Variants in ADAM10 observed in about 807,000 individuals in gnomAD.
ADAM10 encodes the protein ADAM metallopeptidase domain 10.
A neutral mutation model predicts 90.1 loss-of-function variants in ADAM10; 17 were observed. That is an observed-to-expected ratio of 0.19 (90% CI 0.13 to 0.28). The LOEUF is 0.28. ADAM10 is among the 10% of genes least tolerant of loss of function. The pLI is 1.00. For missense variants in ADAM10, 610 were observed against 914.3 expected, an observed-to-expected ratio of 0.67 and a Z score of 4.29; for synonymous variants, 310 against 298.6, an observed-to-expected ratio of 1.04 and a Z score of -0.40.
chr15:58,630,981 G>C (rs749814480), intron 9 of ADAM10, among the ~76,000 whole-genome samples: 1 of 152,094 alleles, frequency 6.6e-6, no homozygotes, highest in South Asian at 2.1e-4. Flanking sequence ...AGGTGGGTGG[G>C]TGAGTGCATT....
At chr15:58,696,886 A>G (rs1191919388) in intron 2 of ADAM10, among the ~76,000 whole-genome samples, 1 of 152,180 alleles carries the variant, frequency 6.6e-6, no homozygotes, top group Non-Finnish European at 1.5e-5. Context: ...GCTAGAGCAC[A>G]GCACGTTTTG....
intron 2 of ADAM10, chr15:58,691,181 A>G (rs772951966): frequency 1.4e-6 from 1 of 721,912 alleles, no homozygotes; most frequent in Non-Finnish European, 2.6e-6. Context: ...CAACCTTCTT[A>G]TCTAAGATTT....
chr15:58,742,533 G>A (rs765999720), intron 1 of ADAM10, among the ~76,000 whole-genome samples: 17 of 152,166 alleles, frequency 1.1e-4, no homozygotes, highest in Non-Finnish European at 2.5e-4. Flanking sequence ...CAGCATCAAA[G>A]GGAGACTACA....
At chr15:58,695,499 T>C (rs1032801734) in intron 2 of ADAM10, among the ~76,000 whole-genome samples, 12 of 152,324 alleles carry the variant, frequency 7.9e-5, no homozygotes, top group Admixed American at 2.6e-4. Flanking sequence ...ACAGTTACTA[T>C]AAAAACACTA....
chr15:58,708,746 G>A (rs1398419375), intron 2 of ADAM10, among the ~76,000 whole-genome samples: 3 of 152,130 alleles, frequency 2.0e-5, no homozygotes, highest in Non-Finnish European at 4.4e-5. Context: ...TAGACCTTGT[G>A]TTTATATTTG....
chr15:58,633,025 A>T (rs932490737), intron 9 of ADAM10, among the ~76,000 whole-genome samples, 171 bp downstream of exon 9: 1 of 152,190 alleles, frequency 6.6e-6, no homozygotes, highest in Non-Finnish European at 1.5e-5. Context: ...CTTTAACCAC[A>T]AACATTCTAT....
intron 1 of ADAM10, among the ~76,000 whole-genome samples, chr15:58,746,334 G>GATA (rs1567022792): frequency 6.6e-6 from 1 of 152,144 alleles, no homozygotes; most frequent in Non-Finnish European, 1.5e-5. Flanking sequence ...AAAGAGATCA[G>GATA]ATAATACACA....
At chr15:58,731,091 G>A (rs1015138376) in intron 1 of ADAM10, among the ~76,000 whole-genome samples, 2 of 151,902 alleles carry the variant, frequency 1.3e-5, no homozygotes. Flanking sequence ...ATATCCTATT[G>A]GTTCTGTCTC....
intron 1 of ADAM10, among the ~76,000 whole-genome samples, chr15:58,718,727 C>CCT (rs1898746411): frequency 6.6e-6 from 1 of 152,174 alleles, no homozygotes; most frequent in Non-Finnish European, 1.5e-5. Flanking sequence ...CAGGTAGTTT[C>CCT]CACATATGGG....
intron 1 of ADAM10, among the ~76,000 whole-genome samples, chr15:58,734,494 C>A (rs1899361720): frequency 6.6e-6 from 1 of 152,030 alleles, no homozygotes; most frequent in South Asian, 2.1e-4. Context: ...TGACAAAAAA[C>A]TGAAAAGACA....
At chr15:58,626,366 A>T (rs1895945305) in intron 10 of ADAM10, among the ~76,000 whole-genome samples, 1 of 152,150 alleles carries the variant, frequency 6.6e-6, no homozygotes, top group South Asian at 2.1e-4. Flanking sequence ...CTTATCTGGA[A>T]ATCTTCCTGA....
chr15:58,716,944 T>C (rs1226302695), intron 2 of ADAM10, among the ~76,000 whole-genome samples: 6 of 152,182 alleles, frequency 3.9e-5, no homozygotes, highest in Admixed American at 1.3e-4. Flanking sequence ...AAATCAGTGC[T>C]GTGTAAGTTA....
chr15:58,650,376 T>C lies in ADAM10; in HGVS notation c.586-4172A>G, dbSNP rs114364595. ...GTTAGGCTTGGTGCACTAGTAATCC[T>C]GGATCACCTTAATCCAGTTAGGGAC... On this transcript the variant is annotated intron_variant, in intron 5 of 15. Coordinates refer to ENST00000260408, the MANE Select transcript of ADAM10 (RefSeq NM_001110.4). Among the ~76,000 whole-genome samples the C allele has an allele frequency of 3.4e-3, 525 of 152,326 alleles. 6 individuals carry two copies. The highest frequency in any genetic ancestry group is 0.012 in the African/African-American group (493 of 41,570).
chr15:58,692,534 T>C (rs1347618126), intron 2 of ADAM10: 2 of 527,080 alleles, frequency 3.8e-6, no homozygotes, highest in Admixed American at 4.2e-5. Context: ...CTGATTTCCT[T>C]CTCTGGTTCC....
intron 8 of ADAM10, 108 bp downstream of exon 8, chr15:58,640,669 A>G (rs2140686554): frequency 9.5e-7 from 1 of 1,053,510 alleles, no homozygotes; most frequent in East Asian, 2.6e-5. Flanking sequence ...ATAAATTAGG[A>G]TATTATACAG....
chr15:58,693,969 C>T (rs1396507684), intron 2 of ADAM10, among the ~76,000 whole-genome samples: 2 of 152,166 alleles, frequency 1.3e-5, no homozygotes, highest in African/African-American at 4.8e-5. Flanking sequence ...ACCTACATAA[C>T]ATCATTAGTC....
rs200725964 is a variant in ADAM10 at position 58,637,690 on chromosome 15, CTG to C, written c.1012+3085_1012+3086del. On this transcript the variant is annotated intron_variant, in intron 8 of 15. Transcript: ENST00000260408. ...CATCAAAGAAAAGGCTAAGATGTTA[CTG>C]TGTGTGTGTGTGTAGATTGTATTTA... Among the ~76,000 whole-genome samples, 5 of 151,060 alleles carry C rather than the reference CTG, an allele frequency of 3.3e-5. No homozygotes were observed. The South Asian group carries it at 6.3e-4, about 19-fold the overall frequency.
intron 4 of ADAM10, among the ~76,000 whole-genome samples, chr15:58,675,374 T>C (rs1897286245): frequency 6.6e-6 from 1 of 152,206 alleles, no homozygotes; most frequent in African/African-American, 2.4e-5. Context: ...CTCAGACCTT[T>C]AGCTCTTGGA....
At chr15:58,640,626 T>C (rs552153465) in intron 8 of ADAM10, 151 bp downstream of exon 8, 2 of 718,578 alleles carry the variant, frequency 2.8e-6, no homozygotes, top group South Asian at 1.8e-5. Flanking sequence ...GGCTTTTACA[T>C]TATGCTTATG....
Sources: allele counts gnomAD v4.1 joint callset (sites outside exome capture counted in the v4.1 genomes callset), GRCh38; gene constraint gnomAD v4.1.1; transcripts MANE v1.5; gene names NCBI Gene and HGNC (gene_info 2026-07-23, HGNC 2026-07-21).